The following PPP2R2D variants were observed in gnomAD, a reference collection of about 807,000 sequenced individuals.
PPP2R2D encodes the protein protein phosphatase 2 regulatory subunit Bdelta, also known as serine/threonine-protein phosphatase 2A 55 kDa regulatory subunit B delta isoform.
In PPP2R2D, 9 loss-of-function variants were observed where a neutral mutation model predicts 31.1. The observed-to-expected ratio is 0.29, with a 90% CI of 0.17 to 0.51. The LOEUF is 0.51. Among genes scored for constraint, PPP2R2D ranks in the 20% least tolerant of loss-of-function variants. The pLI, the probability that PPP2R2D is intolerant of heterozygous loss-of-function variation, is 0.98. For missense variants in PPP2R2D, 391 were observed against 465.6 expected (o/e 0.84, Z 1.48); for synonymous variants, 179 against 172.6 (o/e 1.04, Z -0.29).
downstream of PPP2R2D, among the ~76,000 whole-genome samples, chr10:131,961,044 G>T (rs1354592750): frequency 6.6e-6 from 1 of 152,172 alleles, no homozygotes; most frequent in Non-Finnish European, 1.5e-5. Flanking sequence ...GAAGCTGTCC[G>T]TGAGCTGGTG....
chr10:131,934,127 C>T (rs1286822064), intron 2 of PPP2R2D, among the ~76,000 whole-genome samples: 1 of 151,960 alleles, frequency 6.6e-6, no homozygotes, highest in Non-Finnish European at 1.5e-5. Context: ...CATTTTTTTC[C>T]TCTATTTTTT....
At position 131,956,481 on chromosome 10, in the gene PPP2R2D, T is replaced by TCCG. The variant is rs563336885; in HGVS notation, c.*524_*526dup. 4.9e-3 allele frequency: 4,815 copies of TCCG among 985,584 alleles called. 17 individuals are homozygous for TCCG. The highest frequency in any genetic ancestry group is 5.3e-3 in the Non-Finnish European group (4,365 of 830,040). The allele number at this position is 985,584 out of a possible 1,614,324, so 61.1% of individuals were successfully genotyped here. A position where few individuals can be genotyped will look rare whatever the true frequency, so the allele number is the denominator to read the frequency against. On this transcript the variant is annotated 3_prime_UTR_variant, in exon 9 of 9. Coordinates refer to ENST00000455566, the MANE Select transcript of PPP2R2D (RefSeq NM_018461.5). ...CAGGCGGCCCCACTCACCCACAGCA[T>TCCG]CCGCCGCCACCCCTTCGGGTGTGAG... is the stretch of plus-strand genomic sequence containing the variant.
At position 131,947,420 on chromosome 10, in the gene PPP2R2D, C is replaced by A; in HGVS notation, c.821-110C>A. 3 of 1,186,602 alleles carry A rather than the reference C, an allele frequency of 2.5e-6. No individual in the cohort carries two copies. The highest frequency in any genetic ancestry group is 3.5e-6 in the Non-Finnish European group (3 of 856,728). 73.5% of individuals were successfully genotyped at this position (1,186,602 alleles called of 1,614,324 possible). On this transcript the variant is annotated intron_variant, in intron 7 of 8. Transcript: ENST00000455566. This position sits in a 1 kb window ranked among gnomAD's most constrained non-coding sequence, Gnocchi z 4.3. ...AAGATCAGAAGACCTAGTGTTGAGG[C>A]CAAGCCCTTCCAGAGTCTCTCTGAA...
intron 2 of PPP2R2D, among the ~76,000 whole-genome samples, chr10:131,932,465 G>A (rs1176103738): frequency 6.6e-6 from 1 of 151,976 alleles, no homozygotes; most frequent in African/African-American, 2.4e-5. Flanking sequence ...CCAGGAATTC[G>A]AGACAATTCT....
At chr10:131,912,846 G>A (rs1232918311) in intron 2 of PPP2R2D, among the ~76,000 whole-genome samples, 1 of 152,210 alleles carries the variant, frequency 6.6e-6, no homozygotes, top group Non-Finnish European at 1.5e-5. Flanking sequence ...TGACAGTGCA[G>A]GAGAGTCTCG....
intron 3 of PPP2R2D, chr10:131,934,899 G>T (rs2036311408): frequency 2.2e-6 from 1 of 460,510 alleles, no homozygotes; most frequent in Admixed American, 2.3e-5. Flanking sequence ...TGCAGGTACT[G>T]GCCCAGCCCC....
At chr10:131,934,755 C>T (rs2036308223) in intron 3 of PPP2R2D, 200 bp downstream of exon 3, 1 of 591,302 alleles carries the variant, frequency 1.7e-6, no homozygotes, top group Non-Finnish European at 3.2e-6. Context: ...TCTCCAAGGC[C>T]TTTGTCTTCA....
chr10:131,913,526 A>G lies in PPP2R2D; in HGVS notation c.100+12196A>G, dbSNP rs981147454. On this transcript the variant is annotated intron_variant, in intron 2 of 8. Coordinates refer to ENST00000455566, the MANE Select transcript of PPP2R2D (RefSeq NM_018461.5). ...AAATGAAGAAAAAGGGCTGAGATCC[A>G]TGTTTGGGTCAGTAATGGGGTGGAA... Among the ~76,000 whole-genome samples, 38 of 152,206 alleles carry G rather than the reference A, an allele frequency of 2.5e-4. 1 individual carries two copies. The East Asian group carries it at 7.1e-3, about 29-fold the overall frequency.
intron 2 of PPP2R2D, among the ~76,000 whole-genome samples, chr10:131,906,417 A>G (rs958050836): frequency 1.3e-5 from 2 of 152,316 alleles, no homozygotes; most frequent in African/African-American, 4.8e-5. Context: ...TTCTAAAGAG[A>G]TAGACTAAAC....
At chr10:131,950,413 C>A (rs181329437) in intron 8 of PPP2R2D, among the ~76,000 whole-genome samples, 2 of 151,996 alleles carry the variant, frequency 1.3e-5, no homozygotes, top group Non-Finnish European at 2.9e-5. Flanking sequence ...AAGGAAAAAA[C>A]GCAAATTACC....
chr10:131,907,811 C>T (rs2035621846), intron 2 of PPP2R2D, among the ~76,000 whole-genome samples: 1 of 151,938 alleles, frequency 6.6e-6, no homozygotes, highest in Non-Finnish European at 1.5e-5. Flanking sequence ...GCTCAGGAGG[C>T]TGGCCTGGTC....
downstream of PPP2R2D, among the ~76,000 whole-genome samples, chr10:131,961,972 G>A (rs1383815356): frequency 5.9e-5 from 9 of 152,326 alleles, no homozygotes; most frequent in Admixed American, 3.9e-4. Flanking sequence ...CAGAACCCGC[G>A]GGGGTTTTGG....
chr10:131,968,654 GT>G, the PPP2R2D span: 1 of 1,246,402 alleles, frequency 8.0e-7, no homozygotes, highest in Non-Finnish European at 1.2e-6. Flanking sequence ...GCTCACTGTG[GT>G]TAGAGCTTAT....
chr10:131,901,449 G>A, intron 2 of PPP2R2D, 119 bp downstream of exon 2: 1 of 325,950 alleles, frequency 3.1e-6, no homozygotes. Flanking sequence ...GGGCCGGGCG[G>A]GGCAGGGGCC....
Position 131,919,127 on chromosome 10 carries a change from C to A in PPP2R2D, c.101-15331C>A, listed in dbSNP as rs1472692024. Among the ~76,000 whole-genome samples, 2 of 124,590 alleles carry A rather than the reference C, an allele frequency of 1.6e-5. 1 individual carries two copies. Among genetic ancestry groups the A allele is most frequent in the African/African-American group, 6.2e-5 (2 of 32,082 alleles). The allele number at this position is 124,590 out of a possible 152,430, so 81.7% of individuals were successfully genotyped here. On this transcript the variant is annotated intron_variant, in intron 2 of 8. Coordinates refer to ENST00000455566, the MANE Select transcript of PPP2R2D (RefSeq NM_018461.5). ...GGCGGCTGGAATGACAGTGTAGGGACCTCAGGCGGGTGGAATGACACAGTG... is the reference window on the plus strand; with the variant it reads ...GGCGGCTGGAATGACAGTGTAGGGAACTCAGGCGGGTGGAATGACACAGTG...
intron 2 of PPP2R2D, among the ~76,000 whole-genome samples, chr10:131,917,499 A>G (rs57134244): frequency 0.27 from 26,709 of 100,594 alleles, 4,667 homozygotes; most frequent in South Asian, 0.36. Flanking sequence ...GGGACCTCAC[A>G]CGGATGGAAT....
intron 2 of PPP2R2D, among the ~76,000 whole-genome samples, chr10:131,925,940 A>T (rs1269730550): frequency 1.3e-5 from 2 of 152,258 alleles, no homozygotes; most frequent in African/African-American, 4.8e-5. Context: ...CAGCGCACAC[A>T]CAGGCCCTTA....
chr10:131,970,396 G>A, the PPP2R2D span: 140 of 579,924 alleles, frequency 2.4e-4, 1 homozygote, highest in Middle Eastern at 2.8e-3. The surrounding 1 kb of genome is among the most constrained non-coding windows in gnomAD (Gnocchi z 4.1). Context: ...TTTATATTCA[G>A]TGAGCAACAG....
chr10:131,929,726 T>A (rs1251854994), intron 2 of PPP2R2D, among the ~76,000 whole-genome samples: 1 of 152,178 alleles, frequency 6.6e-6, no homozygotes, highest in East Asian at 1.9e-4. Context: ...CACCGGCAGC[T>A]GACTCTCCCT....
Sources: allele counts gnomAD v4.1 joint callset (sites outside exome capture counted in the v4.1 genomes callset), GRCh38; gene constraint gnomAD v4.1.1; non-coding constraint Gnocchi (gnomAD v3.1); transcripts MANE v1.5; gene names NCBI Gene and HGNC (gene_info 2026-07-23, HGNC 2026-07-21).